The following RBFOX1 variants were observed in gnomAD, a reference collection of about 807,000 sequenced individuals.
RBFOX1 encodes the protein RNA binding fox-1 homolog 1.
Under a neutral mutation model 57.7 loss-of-function variants are expected in RBFOX1, and 8 were observed. That is an observed-to-expected ratio of 0.14 (90% CI 0.08 to 0.25). The LOEUF is 0.25. Among genes scored for constraint, RBFOX1 ranks in the 10% least tolerant of loss-of-function variants. The probability of loss-of-function intolerance (pLI) is 1.00; values close to 1 mark genes in which losing one functional copy is unlikely to be tolerated. For missense variants in RBFOX1, 611 were observed against 548.5 expected, an observed-to-expected ratio of 1.11 and a Z score of -1.14; for synonymous variants, 326 against 222.4, an observed-to-expected ratio of 1.47 and a Z score of -4.15.
intron 4 of RBFOX1, among the ~76,000 whole-genome samples, chr16:7,492,820 C>G (rs749729164): frequency 6.6e-6 from 1 of 152,180 alleles, no homozygotes; most frequent in East Asian, 1.9e-4. Flanking sequence ...TCTGCTTCAC[C>G]TTCCACCGTG....
chr16:7,567,303 CTATATATA>C (rs199970979), intron 5 of RBFOX1, among the ~76,000 whole-genome samples: 15 of 111,794 alleles, frequency 1.3e-4, no homozygotes, highest in East Asian at 5.2e-4. Context: ...ATATATGGCC[CTATATATA>C]TATATATATA....
chr16:7,050,167 G>C (rs1365074578), intron 3 of RBFOX1, among the ~76,000 whole-genome samples: 1 of 145,064 alleles, frequency 6.9e-6, no homozygotes, highest in East Asian at 2.0e-4. Flanking sequence ...TTTTTTTTTG[G>C]ATATTTATAG....
At chr16:5,648,206 G>A (rs1037292255) in intron 3 of RBFOX1, among the ~76,000 whole-genome samples, 3 of 152,114 alleles carry the variant, frequency 2.0e-5, no homozygotes, top group Non-Finnish European at 2.9e-5. Flanking sequence ...CAATACATAC[G>A]ATATGCAGGA....
At chr16:5,828,287 A>G (rs1209374928) in intron 3 of RBFOX1, among the ~76,000 whole-genome samples, 1 of 152,180 alleles carries the variant, frequency 6.6e-6, no homozygotes, top group African/African-American at 2.4e-5. Flanking sequence ...TCATATATAA[A>G]CAATTTATAA....
intron 1 of RBFOX1, among the ~76,000 whole-genome samples, chr16:6,117,263 T>A (rs1056664931): frequency 6.6e-6 from 1 of 151,950 alleles, no homozygotes; most frequent in African/African-American, 2.4e-5. Context: ...TGTGGACATG[T>A]TTGGAAGTAT....
At chr16:7,500,865 G>A (rs971100515) in intron 4 of RBFOX1, among the ~76,000 whole-genome samples, 1 of 152,172 alleles carries the variant, frequency 6.6e-6, no homozygotes, top group Admixed American at 6.5e-5. Context: ...CCCGGTGGGA[G>A]GTAATTGAAT....
At chr16:5,960,748 C>T (rs1047499121) in intron 4 of RBFOX1, among the ~76,000 whole-genome samples, 1 of 152,138 alleles carries the variant, frequency 6.6e-6, no homozygotes, top group Admixed American at 6.5e-5. Flanking sequence ...TGTGGAGCAA[C>T]CCCAACACAG....
chr16:6,200,160 A>G (rs867918028), intron 1 of RBFOX1, among the ~76,000 whole-genome samples: 50 of 152,316 alleles, frequency 3.3e-4, no homozygotes, highest in African/African-American at 1.1e-3. Flanking sequence ...TCTGAAAGAC[A>G]GTGAGAGAGC....
At chr16:6,564,579 T>C (rs374167123) in intron 2 of RBFOX1, among the ~76,000 whole-genome samples, 30 of 152,158 alleles carry the variant, frequency 2.0e-4, no homozygotes, top group East Asian at 1.4e-3. Context: ...CTCACTGATA[T>C]ATGGAATCTA....
In RBFOX1 at chr16:5,548,184, T is replaced by C; in HGVS notation, c.259-50718T>C. Among the ~76,000 whole-genome samples, 2 of 115,778 alleles carry C rather than the reference T, an allele frequency of 1.7e-5. 1 individual carries two copies. Among genetic ancestry groups the C allele is most frequent in the South Asian group, 5.2e-4 (2 of 3,838 alleles). 76.0% of individuals were successfully genotyped at this position (115,778 alleles called of 152,430 possible). On this transcript the variant is annotated intron_variant, in intron 2 of 2. Coordinates refer to the RBFOX1 transcript ENST00000585867. Reference sequence around the variant, plus strand: ...AAAAAAAAAAAAAAAAATATATATATATATATATATATATATATATAGACA... The same window carrying C: ...AAAAAAAAAAAAAAAAATATATATACATATATATATATATATATATAGACA...
chr16:5,934,117 G>A (rs1248893703), intron 4 of RBFOX1, among the ~76,000 whole-genome samples: 1 of 152,226 alleles, frequency 6.6e-6, no homozygotes, highest in Non-Finnish European at 1.5e-5. Flanking sequence ...CCACAAGGTG[G>A]TTTTATGTGG....
chr16:6,404,877 C>A (rs1472731502), intron 2 of RBFOX1, among the ~76,000 whole-genome samples: 1 of 152,176 alleles, frequency 6.6e-6, no homozygotes, highest in Admixed American at 6.5e-5. Flanking sequence ...CTTCGTGGAT[C>A]CCCGATATGG....
chr16:7,219,854 G>C (rs2092587379), intron 4 of RBFOX1, among the ~76,000 whole-genome samples: 1 of 152,200 alleles, frequency 6.6e-6, no homozygotes, highest in Non-Finnish European at 1.5e-5. Flanking sequence ...TTCTGAGAGT[G>C]AGTGTATTTA....
intron 3 of RBFOX1, among the ~76,000 whole-genome samples, chr16:6,968,646 T>G (rs1166699804): frequency 6.6e-6 from 1 of 152,024 alleles, no homozygotes; most frequent in Non-Finnish European, 1.5e-5. Context: ...CGTGCCACCA[T>G]CCCACAGGAC....
At chr16:5,796,151 A>G (rs989844790) in intron 3 of RBFOX1, among the ~76,000 whole-genome samples, 2 of 152,204 alleles carry the variant, frequency 1.3e-5, no homozygotes, top group Non-Finnish European at 2.9e-5. Flanking sequence ...TAAGCAGCTC[A>G]AGACTGGGCT....
intron 3 of RBFOX1, among the ~76,000 whole-genome samples, chr16:6,894,832 A>G (rs1181561892): frequency 1.3e-5 from 2 of 152,212 alleles, no homozygotes; most frequent in East Asian, 3.9e-4. Context: ...GTAGTCCAGA[A>G]TAAGACATGT....
chr16:6,964,338 C>T (rs572169321), intron 3 of RBFOX1, among the ~76,000 whole-genome samples: 4 of 152,226 alleles, frequency 2.6e-5, no homozygotes, highest in Non-Finnish European at 2.9e-5. Context: ...ATTTTTAGGG[C>T]AGTGAAAATA....
chr16:7,433,856 G>A (rs1207423813), intron 4 of RBFOX1, among the ~76,000 whole-genome samples: 1 of 152,194 alleles, frequency 6.6e-6, no homozygotes. Flanking sequence ...CATGGAGTAA[G>A]CCAAATGACA....
In RBFOX1 at chr16:5,367,820, A is replaced by G. The variant is rs553412535; in HGVS notation, c.220-99396A>G. Reference sequence around the variant, plus strand: ...CCAGAAAGTAACACAGTAGACTCTTAAACCTGGGTCTGTCTGTCTGTTTGC... The same window carrying G: ...CCAGAAAGTAACACAGTAGACTCTTGAACCTGGGTCTGTCTGTCTGTTTGC... On this transcript the variant is annotated intron_variant, in intron 1 of 2. Transcript: ENST00000585867. 2.6e-5 allele frequency among the ~76,000 whole-genome samples: 4 copies of G among 152,276 alleles called. No individual in the cohort carries two copies. In the East Asian group the frequency reaches 7.7e-4, roughly 29 times the overall value.
Sources: gnomAD v4.1 joint callset for allele counts (sites outside exome capture counted in the v4.1 genomes callset) on GRCh38, gnomAD v4.1.1 for gene constraint, MANE v1.5 for transcripts, NCBI Gene and HGNC (gene_info 2026-07-23, HGNC 2026-07-21) for gene names.